Variants in UPRT observed in about 807,000 individuals in gnomAD.
UPRT encodes uracil phosphoribosyltransferase homolog.
UPRT carries 5 observed loss-of-function variants against 22.6 expected under a neutral mutation model. The observed-to-expected ratio is 0.22, with a 90% confidence interval of 0.12 to 0.47. UPRT has a LOEUF of 0.47. Among genes scored for constraint, UPRT ranks in the 20% least tolerant of loss-of-function variants. The pLI is 0.99. For missense variants in UPRT, 181 were observed against 239.9 expected, an observed-to-expected ratio of 0.75 and a Z score of 1.62; for synonymous variants, 77 against 87.7, an observed-to-expected ratio of 0.88 and a Z score of 0.68.
chrX:75,302,813 C>G (rs2082748984), intron 6 of UPRT, among the ~76,000 whole-genome samples: 1 of 111,193 alleles, frequency 9.0e-6, no homozygotes, highest in Non-Finnish European at 1.9e-5. Flanking sequence ...CTCTGACACA[C>G]CAGCTTTTTC....
At chrX:75,246,168 A>G (rs1292284126) in intron 4 of UPRT, among the ~76,000 whole-genome samples, 8 of 108,733 alleles carry the variant, frequency 7.4e-5, no homozygotes, top group Admixed American at 5.9e-4. Context: ...GGTTTGTTAC[A>G]TATGTATACA....
At chrX:75,183,682 C>T (rs1458569075) in intron 4 of UPRT, among the ~76,000 whole-genome samples, 1 of 111,757 alleles carries the variant, frequency 8.9e-6, no homozygotes, top group Non-Finnish European at 1.9e-5. Context: ...TCCCCAGCAC[C>T]TTTTGTTTCC....
chrX:75,257,988 A>G (rs2147667222), intron 4 of UPRT, among the ~76,000 whole-genome samples: 1 of 110,362 alleles, frequency 9.1e-6, no homozygotes, highest in East Asian at 2.9e-4. Flanking sequence ...AAAATTGGTC[A>G]GGGAATTCTC....
intron 4 of UPRT, among the ~76,000 whole-genome samples, chrX:75,231,451 T>C (rs1365736263): frequency 7.1e-5 from 8 of 112,512 alleles, no homozygotes; most frequent in African/African-American, 2.3e-4. Flanking sequence ...TTTGGGATTA[T>C]GTTAGATGAC....
intron 1 of UPRT, chrX:75,156,872 C>T: frequency 7.3e-6 from 2 of 272,571 alleles, no homozygotes; most frequent in South Asian, 6.8e-5. Flanking sequence ...GGCAGTTTTC[C>T]TTTGGTCTGT....
At chrX:75,269,965 G>A (rs2082603017), upstream of UPRT, among the ~76,000 whole-genome samples, 1 of 111,383 alleles carries the variant, frequency 9.0e-6, no homozygotes. Flanking sequence ...AGGGTGAAAA[G>A]GCAACCTACA....
chrX:75,171,545 A>G (rs1320493228), intron 4 of UPRT, among the ~76,000 whole-genome samples: 1 of 110,848 alleles, frequency 9.0e-6, no homozygotes, highest in Non-Finnish European at 1.9e-5. Flanking sequence ...GATTAAGTTA[A>G]TACTTGACCT....
intron 4 of UPRT, 107 bp from the exon 5 acceptor site, chrX:75,299,628 C>A: frequency 2.5e-6 from 2 of 786,240 alleles, no homozygotes; most frequent in East Asian, 3.7e-5. Flanking sequence ...TTATTTTCAT[C>A]TTCCTTCCTT....
At chrX:75,263,534 T>C (rs2082576155) in intron 4 of UPRT, among the ~76,000 whole-genome samples, 1 of 112,166 alleles carries the variant, frequency 8.9e-6, no homozygotes, top group South Asian at 3.7e-4. Context: ...TCTCTGATGG[T>C]AGTCTGTATT....
chrX:75,237,490 C>T, intron 4 of UPRT, among the ~76,000 whole-genome samples: 1 of 110,773 alleles, frequency 9.0e-6, no homozygotes, highest in Non-Finnish European at 1.9e-5. Context: ...CTATAAAACA[C>T]ATGCACATGT....
At chrX:75,249,681 A>T (rs922477840) in intron 4 of UPRT, among the ~76,000 whole-genome samples, 1 of 111,335 alleles carries the variant, frequency 9.0e-6, no homozygotes, top group African/African-American at 3.3e-5. Context: ...GGTCTCCAGG[A>T]ATTGAACTCA....
chrX:75,192,860 TG>T (rs1191188112), intron 4 of UPRT, among the ~76,000 whole-genome samples: 1 of 111,934 alleles, frequency 8.9e-6, no homozygotes, highest in African/African-American at 3.3e-5. Flanking sequence ...CATCATTGCA[TG>T]GGGGATGGGT....
At chrX:75,194,477 C>T (rs1319188689) in intron 4 of UPRT, among the ~76,000 whole-genome samples, 2 of 111,378 alleles carry the variant, frequency 1.8e-5, no homozygotes, top group African/African-American at 3.3e-5. Context: ...GGTGCATGCT[C>T]CTCAGCTGTG....
intron 4 of UPRT, among the ~76,000 whole-genome samples, chrX:75,235,356 G>T (rs1400450486): frequency 9.0e-6 from 1 of 111,569 alleles, no homozygotes; most frequent in Non-Finnish European, 1.9e-5. Context: ...TCTACCAGAG[G>T]TAGAAGGAGG....
At chrX:75,210,687 G>A (rs1326560722) in intron 4 of UPRT, among the ~76,000 whole-genome samples, 2 of 107,531 alleles carry the variant, frequency 1.9e-5, no homozygotes, top group Admixed American at 2.0e-4. Context: ...CCGAGGGAGG[G>A]GGATTGTTTG....
chrX:75,282,965 T>G (rs960309174), intron 1 of UPRT, among the ~76,000 whole-genome samples: 2 of 111,954 alleles, frequency 1.8e-5, no homozygotes, highest in Non-Finnish European at 3.8e-5. Context: ...CTATGTTAGG[T>G]GCATATATGT....
rs1001158107 is a variant in UPRT at position 75,219,759 on chromosome X, A to G, written c.-447+51880A>G. On this transcript the variant is annotated intron_variant, in intron 4 of 13. Coordinates refer to the UPRT transcript ENST00000652605. ...GAGTTAAAGAGAAATGCAGACCCCA[A>G]TACAATAATAGCTGGAGAATTCAAC... 6.3e-5 allele frequency among the ~76,000 whole-genome samples: 7 copies of G among 111,540 alleles called. No homozygotes were observed. The East Asian group carries it at 1.1e-3, about 18-fold the overall frequency.
chrX:75,236,012 C>G (rs887051235), intron 4 of UPRT, among the ~76,000 whole-genome samples: 2 of 110,499 alleles, frequency 1.8e-5, no homozygotes, highest in Admixed American at 2.0e-4. Context: ...CAAATTGTCC[C>G]TGTTTGCAGA....
intron 4 of UPRT, among the ~76,000 whole-genome samples, chrX:75,248,227 GA>G (rs1337326508): frequency 8.9e-6 from 1 of 111,790 alleles, no homozygotes; most frequent in Non-Finnish European, 1.9e-5. Context: ...TGACTTTGAC[GA>G]GAGAAGAAGG....
Sources: gnomAD v4.1 joint callset for allele counts (sites outside exome capture counted in the v4.1 genomes callset) on GRCh38, gnomAD v4.1.1 for gene constraint, MANE v1.5 for transcripts, NCBI Gene and HGNC (gene_info 2026-07-23, HGNC 2026-07-21) for gene names.